TENM3: variants seen among roughly 807,000 people sequenced by gnomAD.
TENM3 encodes the protein teneurin-3.
TENM3 carries 63 observed loss-of-function variants against 255.1 expected under a neutral mutation model. The observed-to-expected ratio is 0.25, with a 90% CI of 0.20 to 0.30. TENM3 has a LOEUF of 0.30. TENM3 is among the 10% of genes least tolerant of loss of function. The pLI is 1.00. For missense variants in TENM3, 2,929 were observed against 3,461.1 expected (o/e 0.85, Z 3.86); for synonymous variants, 1,306 against 1,322.3 (o/e 0.99, Z 0.27).
chr4:181,709,734 G>C, the TENM3 span, among the ~76,000 whole-genome samples: 2 of 152,242 alleles, frequency 1.3e-5, no homozygotes, highest in African/African-American at 4.8e-5. Context: ...AGATTAACTG[G>C]GAGACTAGTT....
chr4:181,680,080 G>A, the TENM3 span, among the ~76,000 whole-genome samples: 3 of 152,032 alleles, frequency 2.0e-5, no homozygotes, highest in Non-Finnish European at 2.9e-5. Flanking sequence ...CTGCCACACT[G>A]TGTCATAGGT....
At chr4:182,149,012 G>A (rs968652420) in intron 1 of TENM3, among the ~76,000 whole-genome samples, 2 of 151,746 alleles carry the variant, frequency 1.3e-5, no homozygotes, top group Admixed American at 6.6e-5. Context: ...ACGTATATCC[G>A]TAGTATATAT....
chr4:181,666,582 A>G, the TENM3 span, among the ~76,000 whole-genome samples: 2 of 152,182 alleles, frequency 1.3e-5, no homozygotes, highest in African/African-American at 2.4e-5. Context: ...ATCAATTTCT[A>G]TGTAGACTAC....
intron 1 of TENM3, among the ~76,000 whole-genome samples, chr4:182,301,514 A>T (rs1761855893): frequency 1.3e-5 from 2 of 152,206 alleles, no homozygotes; most frequent in Admixed American, 6.5e-5. Flanking sequence ...TGTCAATTTC[A>T]GATTTTTTCT....
intron 3 of TENM3, among the ~76,000 whole-genome samples, chr4:182,381,613 T>C (rs895657694): frequency 3.0e-5 from 4 of 133,120 alleles, no homozygotes; most frequent in Non-Finnish European, 4.7e-5. Context: ...TGGAGTGCAA[T>C]GGTGTGATCT....
intron 1 of TENM3, among the ~76,000 whole-genome samples, chr4:182,219,325 G>T (rs1213062182): frequency 6.6e-6 from 1 of 152,150 alleles, no homozygotes; most frequent in East Asian, 1.9e-4. Flanking sequence ...TAGTTTGAAG[G>T]TTGTCATCAA....
chr4:181,620,122 G>A, the TENM3 span, among the ~76,000 whole-genome samples: 1,217 of 152,148 alleles, frequency 8.0e-3, 18 homozygotes, highest in African/African-American at 0.027. Context: ...TTAGCTGGGC[G>A]TGGTGGCACA....
At chr4:182,595,151 T>C (rs1747077229) in intron 3 of TENM3, among the ~76,000 whole-genome samples, 1 of 152,086 alleles carries the variant, frequency 6.6e-6, no homozygotes, top group Non-Finnish European at 1.5e-5. Flanking sequence ...GGAAAGTAAA[T>C]ATGCCATATT....
chr4:181,547,687 A>C, the TENM3 span, among the ~76,000 whole-genome samples: 3 of 152,198 alleles, frequency 2.0e-5, no homozygotes, highest in Non-Finnish European at 4.4e-5. Flanking sequence ...GGACACTAAG[A>C]AAATGAAACA....
chr4:182,301,967 T>G (rs554416144), intron 1 of TENM3, among the ~76,000 whole-genome samples: 1 of 152,162 alleles, frequency 6.6e-6, no homozygotes, highest in African/African-American at 2.4e-5. Flanking sequence ...TGGGTTTCCA[T>G]ATCATGGGAA....
At chr4:181,499,705 G>A in the TENM3 span, among the ~76,000 whole-genome samples, 1 of 152,162 alleles carries the variant, frequency 6.6e-6, no homozygotes, top group African/African-American at 2.4e-5. Flanking sequence ...GCTGGGTGGG[G>A]TAAAGGGATG....
At chr4:182,528,271 C>T (rs1415220569) in intron 3 of TENM3, among the ~76,000 whole-genome samples, 1 of 152,110 alleles carries the variant, frequency 6.6e-6, no homozygotes, top group African/African-American at 2.4e-5. Flanking sequence ...ACATGCACCA[C>T]CACGTCCAGC....
chr4:181,480,564 A>C, the TENM3 span, among the ~76,000 whole-genome samples: 3 of 151,986 alleles, frequency 2.0e-5, no homozygotes, highest in Non-Finnish European at 4.4e-5. Context: ...ATTTAGAAGG[A>C]ATATTTTTTA....
chr4:181,525,220 AG>A, the TENM3 span, among the ~76,000 whole-genome samples: 1 of 152,016 alleles, frequency 6.6e-6, no homozygotes, highest in East Asian at 2.0e-4. Context: ...AGATCAGCTC[AG>A]CCAACATGGT....
At chr4:181,761,141 A>G in the TENM3 span, among the ~76,000 whole-genome samples, 1 of 152,068 alleles carries the variant, frequency 6.6e-6, no homozygotes, top group Non-Finnish European at 1.5e-5. Flanking sequence ...GCAAGAGTTC[A>G]CGGTTTTATT....
At position 182,792,469 on chromosome 4, in the gene TENM3, C is replaced by G; in HGVS notation, c.5797C>G (p.Leu1933Val). Reference protein sequence around the residue: ...SIITDYNEEGLLLQTAFLGTS... With the variant: ...SIITDYNEEGVLLQTAFLGTS... ...CATCACGGACTACAACGAGGAAGGG[C>G]TGCTTCTACAAACAGCTTTCTTGGG... is the stretch of plus-strand genomic sequence containing the variant. The change falls in exon 26 of 28, where the codon CTG becomes GTG. Residue 1933 changes from leucine (L) to valine (V), a missense_variant. Around this residue, in one of 6 missense-constraint regions of TENM3, gnomAD observed 303 missense variants for 425.2 expected, o/e 0.71. Coordinates refer to ENST00000511685, the MANE Select transcript of TENM3 (RefSeq NM_001080477.4). The surrounding 1 kb of genome is among the most constrained non-coding windows in gnomAD (Gnocchi z 6.3). 6.2e-7 allele frequency: 1 copy of G among 1,614,070 alleles called. No individual in the cohort carries two copies. The highest frequency in any genetic ancestry group is 8.5e-7 in the Non-Finnish European group (1 of 1,179,904).
chr4:181,708,646 A>C, the TENM3 span, among the ~76,000 whole-genome samples: 2 of 151,734 alleles, frequency 1.3e-5, no homozygotes, highest in Admixed American at 1.3e-4. Flanking sequence ...TCCTGATCTG[A>C]GTCCCCAGTA....
chr4:182,717,886 C>A (rs1040235573), intron 13 of TENM3, among the ~76,000 whole-genome samples: 109 of 152,260 alleles, frequency 7.2e-4, no homozygotes, highest in Middle Eastern at 3.4e-3. Flanking sequence ...GTTGCTGAGT[C>A]CAGAGAATAG....
At chr4:181,694,299 T>G in the TENM3 span, among the ~76,000 whole-genome samples, 1 of 152,164 alleles carries the variant, frequency 6.6e-6, no homozygotes, top group Non-Finnish European at 1.5e-5. Context: ...AAACAACAGA[T>G]TCATTTATTA....
Sources: allele counts gnomAD v4.1 joint callset (sites outside exome capture counted in the v4.1 genomes callset), GRCh38; gene constraint gnomAD v4.1.1; regional missense constraint gnomAD v4.1.1; non-coding constraint Gnocchi (gnomAD v3.1); transcripts MANE v1.5; gene names NCBI Gene and HGNC (gene_info 2026-07-23, HGNC 2026-07-21).